Variants in MYOF observed in about 807,000 individuals in gnomAD.
MYOF encodes the protein fer-1-like 3, myoferlin.
A neutral mutation model predicts 284.2 loss-of-function variants in MYOF; 244 were observed. The ratio of observed to expected loss-of-function variants is 0.86; its 90% CI spans 0.77 to 0.95. The LOEUF is 0.95. MYOF is among the 40% of genes least tolerant of loss of function. The pLI is 0.00. For missense variants in MYOF, 2,496 were observed against 2,560.6 expected, an observed-to-expected ratio of 0.97 and a Z score of 0.54; for synonymous variants, 904 against 919.7, an observed-to-expected ratio of 0.98 and a Z score of 0.31.
Position 93,351,698 on chromosome 10 carries a change from T to A in MYOF, c.3630A>T (p.Lys1210Asn). 1 of 1,590,162 alleles carries A rather than the reference T, an allele frequency of 6.3e-7. No homozygotes were observed. The highest frequency in any genetic ancestry group is 8.5e-7 in the Non-Finnish European group (1 of 1,171,192). Residue 1210 changes from lysine to asparagine, a missense_variant, in exon 33 of 54, where the codon AAA becomes AAT. Physicochemically the swap from Lys to Asn is moderately conservative, Grantham distance 94. This residue lies in a region of MYOF where 2,436 missense variants were observed against 2,480.7 expected (regional missense o/e 0.98). Transcript: ENST00000359263. Reference protein sequence around the residue: ...EPQTVLQNPPKVIMELFDNDQ... With the variant: ...EPQTVLQNPPNVIMELFDNDQ... The stretch of plus-strand genomic sequence containing the variant: ...CATTGTCAAAAAGTTCCATGATAAC[T>A]TTGGGTGGATTCTGTAGAACTGTTT...
chr10:93,464,276 C>A (rs566327210), intron 1 of MYOF, among the ~76,000 whole-genome samples: 2 of 152,264 alleles, frequency 1.3e-5, no homozygotes, highest in African/African-American at 4.8e-5. Context: ...GCTTGCTGGC[C>A]CGCCCTGCAA....
chr10:93,456,191 G>A (rs1007267634), intron 2 of MYOF, among the ~76,000 whole-genome samples: 1 of 152,134 alleles, frequency 6.6e-6, no homozygotes, highest in Non-Finnish European at 1.5e-5. Flanking sequence ...CATATGCTTA[G>A]GATATAATAG....
intron 23 of MYOF, among the ~76,000 whole-genome samples, chr10:93,374,133 T>C (rs1845727403): frequency 6.6e-6 from 1 of 152,220 alleles, no homozygotes; most frequent in Non-Finnish European, 1.5e-5. Context: ...GTCCTTGTGA[T>C]AGTTTGCTGA....
In MYOF at chr10:93,340,728, T is replaced by C. The variant is rs182331163; in HGVS notation, c.4327-564A>G. ...TCAAAACTGCTTTATTATGAGGATGTCAAGTTTCCATTGGCCAAATCCTTT... is the reference window on the plus strand; with the variant it reads ...TCAAAACTGCTTTATTATGAGGATGCCAAGTTTCCATTGGCCAAATCCTTT... On this transcript the variant is annotated intron_variant, in intron 38 of 53. Coordinates refer to ENST00000359263, the MANE Select transcript of MYOF (RefSeq NM_013451.4). Among the ~76,000 whole-genome samples the C allele has an allele frequency of 5.0e-3, 750 of 151,028 alleles. 9 individuals carry two copies. The Middle Eastern group carries it at 0.052, about 10-fold the overall frequency.
chr10:93,405,367 C>T (rs903419265), intron 7 of MYOF, among the ~76,000 whole-genome samples: 2 of 152,198 alleles, frequency 1.3e-5, no homozygotes, highest in South Asian at 2.1e-4. Flanking sequence ...CGTTGCATTT[C>T]GTTTTTGAGT....
intron 4 of MYOF, among the ~76,000 whole-genome samples, chr10:93,430,643 G>A (rs1167590380): frequency 2.0e-5 from 3 of 150,184 alleles, no homozygotes; most frequent in Non-Finnish European, 4.4e-5. Flanking sequence ...TTATGTCAAT[G>A]AACTGCCTTC....
intron 7 of MYOF, among the ~76,000 whole-genome samples, chr10:93,406,718 GAGAGGTT>G (rs1037714254): frequency 5.3e-5 from 8 of 152,084 alleles, no homozygotes; most frequent in South Asian, 2.1e-4. Flanking sequence ...CCTTTGAGGG[GAGAGGTT>G]AGAGGTTAGA....
chr10:93,451,092 C>T (rs936083748), intron 3 of MYOF, among the ~76,000 whole-genome samples: 1 of 152,102 alleles, frequency 6.6e-6, no homozygotes, highest in Non-Finnish European at 1.5e-5. Flanking sequence ...GTAGTTCCAG[C>T]CCTTTGGGAG....
At chr10:93,315,546 T>C (rs1842579850) in intron 50 of MYOF, among the ~76,000 whole-genome samples, 1 of 151,878 alleles carries the variant, frequency 6.6e-6, no homozygotes, top group Admixed American at 6.6e-5. Context: ...AGGGAAGAAA[T>C]GCTGAGTGAG....
chr10:93,388,702 G>C (rs1209320509), intron 18 of MYOF, among the ~76,000 whole-genome samples: 2 of 152,220 alleles, frequency 1.3e-5, no homozygotes, highest in African/African-American at 4.8e-5. Flanking sequence ...GGGTAATAAA[G>C]GGTTTCAGGG....
intron 5 of MYOF, 188 bp downstream of exon 5, chr10:93,425,883 G>A (rs1848567700): frequency 1.6e-6 from 1 of 610,698 alleles, no homozygotes; most frequent in African/African-American, 1.8e-5. Context: ...CCTCTACCTT[G>A]AAGGGCATTT....
intron 3 of MYOF, among the ~76,000 whole-genome samples, chr10:93,439,981 C>T (rs149840860): frequency 1.3e-5 from 2 of 152,332 alleles, no homozygotes; most frequent in East Asian, 3.9e-4. Context: ...CTTAATACTA[C>T]ATATACCACA....
chr10:93,338,936 AC>A (rs1461118678), intron 39 of MYOF, among the ~76,000 whole-genome samples: 1 of 147,614 alleles, frequency 6.8e-6, no homozygotes, highest in African/African-American at 2.7e-5. Flanking sequence ...AAAAAAAAAA[AC>A]AAACAAAAAA....
intron 37 of MYOF, among the ~76,000 whole-genome samples, chr10:93,344,447 C>T (rs1183512076): frequency 6.6e-6 from 1 of 152,074 alleles, no homozygotes; most frequent in Non-Finnish European, 1.5e-5. Context: ...TACCACTCTG[C>T]ATGCCTTTGT....
intron 13 of MYOF, among the ~76,000 whole-genome samples, chr10:93,398,650 C>T (rs553972592): frequency 6.6e-6 from 1 of 152,224 alleles, no homozygotes; most frequent in African/African-American, 2.4e-5. Flanking sequence ...CCTCATTTTG[C>T]CCCAGAGCTG....
intron 3 of MYOF, among the ~76,000 whole-genome samples, chr10:93,437,370 G>T (rs568351855): frequency 6.6e-6 from 1 of 152,162 alleles, no homozygotes; most frequent in East Asian, 1.9e-4. Flanking sequence ...GTGAAGGGCC[G>T]CATGCCTCTG....
chr10:93,374,627 A>AT (rs1485708169), intron 23 of MYOF, 136 bp downstream of exon 23: 3 of 854,476 alleles, frequency 3.5e-6, no homozygotes, highest in Non-Finnish European at 3.4e-6. Context: ...TTACTCCCTG[A>AT]TTTTTACAAT....
At position 93,356,817 on chromosome 10, in the gene MYOF, C is replaced by G; in HGVS notation, c.3152G>C (p.Trp1051Ser). 6.2e-7 allele frequency: 1 copy of G among 1,613,800 alleles called. No homozygotes were observed. Among genetic ancestry groups the G allele is most frequent in the Non-Finnish European group, 8.5e-7 (1 of 1,179,944 alleles). The change falls in exon 30 of 54, where the codon TGG becomes TCG. Residue 1051 changes from tryptophan (W) to serine (S), a missense_variant. By Grantham distance (177) the Trp-to-Ser change is radical. Coordinates refer to ENST00000359263, the MANE Select transcript of MYOF (RefSeq NM_013451.4). ...AMEELQDQEG[W>S]EYASLIGWKF... ...CCAGCCAATTAGAGAAGCATATTCC[C>G]AGCCCTCTTGGTCTTGCAATTCCTC...
chr10:93,414,879 G>GA (rs1848051696), intron 5 of MYOF, among the ~76,000 whole-genome samples: 1 of 152,030 alleles, frequency 6.6e-6, no homozygotes, highest in Non-Finnish European at 1.5e-5. Flanking sequence ...GAGTAGCTGG[G>GA]ATTACAGGCA....
Sources: allele counts gnomAD v4.1 joint callset (sites outside exome capture counted in the v4.1 genomes callset), GRCh38; gene constraint gnomAD v4.1.1; regional missense constraint gnomAD v4.1.1; transcripts MANE v1.5; gene names NCBI Gene and HGNC (gene_info 2026-07-23, HGNC 2026-07-21).